Variants in PINX1 observed in about 807,000 individuals in gnomAD.
PINX1 encodes PIN2 (TERF1) interacting telomerase inhibitor 1.
Under a neutral mutation model 25.4 loss-of-function variants are expected in PINX1, and 34 were observed. The ratio of observed to expected loss-of-function variants is 1.34; its 90% CI spans 1.02 to 1.78. The LOEUF is 1.78. Ranked by LOEUF, PINX1 falls within the 40% of genes most tolerant of loss-of-function variation. The probability of loss-of-function intolerance (pLI) is 0.00; values close to 1 mark genes in which losing one functional copy is unlikely to be tolerated. For synonymous variants in PINX1, 197 were observed against 147.7 expected (o/e 1.33, Z -2.42); for missense variants, 592 against 404.9 (o/e 1.46, Z -3.97).
At chr8:10,789,842 G>C (rs1168583681) in intron 6 of PINX1, among the ~76,000 whole-genome samples, 3 of 152,086 alleles carry the variant, frequency 2.0e-5, no homozygotes, top group African/African-American at 4.8e-5. Flanking sequence ...TGGCTGTTTG[G>C]ATCATGGATT....
chr8:10,814,081 C>T (rs112832127), intron 6 of PINX1, among the ~76,000 whole-genome samples: 18 of 152,260 alleles, frequency 1.2e-4, no homozygotes, highest in African/African-American at 4.1e-4. Context: ...TCTCAAGGGG[C>T]CCTGGGAATC....
intron 6 of PINX1, among the ~76,000 whole-genome samples, chr8:10,790,062 T>G (rs1046206669): frequency 5.3e-5 from 8 of 152,202 alleles, no homozygotes; most frequent in African/African-American, 1.4e-4. Context: ...GACCCTCATC[T>G]CGACAAGACA....
rs374843841 is a variant in PINX1 at position 10,794,583 on chromosome 8, C to T, written c.471+25610G>A. Among the ~76,000 whole-genome samples the T allele has an allele frequency of 2.2e-4, 33 of 152,158 alleles. No homozygotes were observed. In the East Asian group the frequency reaches 3.3e-3, roughly 15 times the overall value. ...CTGGGATTACAGGCGCCTGCCACCA[C>T]GTCTGGCTAATTTTTGTATTTTTAG... On this transcript the variant is annotated intron_variant, in intron 6 of 6. Coordinates refer to ENST00000314787, the MANE Select transcript of PINX1 (RefSeq NM_017884.6).
At chr8:10,770,097 T>C (rs998107798) in intron 6 of PINX1, among the ~76,000 whole-genome samples, 13 of 152,354 alleles carry the variant, frequency 8.5e-5, no homozygotes, top group African/African-American at 2.6e-4. Context: ...TTGAAAAAGT[T>C]TGACTGTTTT....
chr8:10,796,447 C>T (rs1802086843), intron 6 of PINX1, among the ~76,000 whole-genome samples: 1 of 152,148 alleles, frequency 6.6e-6, no homozygotes, highest in South Asian at 2.1e-4. Flanking sequence ...GCCATCAGCT[C>T]CCCCTTCCAG....
At chr8:10,837,999 C>G (rs1324749047) in intron 1 of PINX1, among the ~76,000 whole-genome samples, 2 of 152,208 alleles carry the variant, frequency 1.3e-5, no homozygotes, top group Non-Finnish European at 2.9e-5. Flanking sequence ...ATTACAGCAG[C>G]TAGGCTTCAA....
intron 6 of PINX1, among the ~76,000 whole-genome samples, chr8:10,786,658 G>A (rs964235187): frequency 9.9e-5 from 15 of 152,222 alleles, no homozygotes; most frequent in South Asian, 4.1e-4. Context: ...ATCTGGGGCA[G>A]TTGGGAAGAG....
At chr8:10,766,379 C>A (rs923533307) in intron 6 of PINX1, among the ~76,000 whole-genome samples, 1 of 152,214 alleles carries the variant, frequency 6.6e-6, no homozygotes, top group Non-Finnish European at 1.5e-5. Flanking sequence ...CTGTGTTGAT[C>A]TAGAAACTTA....
At chr8:10,821,538 G>A (rs1035124445) in intron 5 of PINX1, among the ~76,000 whole-genome samples, 1 of 152,124 alleles carries the variant, frequency 6.6e-6, no homozygotes, top group Non-Finnish European at 1.5e-5. Flanking sequence ...TACACAAAAA[G>A]ACCCAAAAGA....
intron 6 of PINX1, among the ~76,000 whole-genome samples, chr8:10,816,877 A>G (rs1424126999): frequency 6.6e-6 from 1 of 152,168 alleles, no homozygotes; most frequent in Non-Finnish European, 1.5e-5. Flanking sequence ...CATTCTAACA[A>G]TTCTCTCTGT....
At chr8:10,803,513 T>C (rs1802336319) in intron 6 of PINX1, among the ~76,000 whole-genome samples, 1 of 152,240 alleles carries the variant, frequency 6.6e-6, no homozygotes, top group Admixed American at 6.5e-5. Context: ...TTCATTCCAC[T>C]GACTTATTGT....
chr8:10,822,388 G>A (rs961985437), intron 5 of PINX1, among the ~76,000 whole-genome samples: 2 of 152,166 alleles, frequency 1.3e-5, no homozygotes, highest in Non-Finnish European at 2.9e-5. Flanking sequence ...TAGAGAAAAC[G>A]ACAATGAAGA....
intron 6 of PINX1, among the ~76,000 whole-genome samples, chr8:10,766,613 G>C (rs1801057271): frequency 6.6e-6 from 1 of 152,216 alleles, no homozygotes; most frequent in African/African-American, 2.4e-5. Flanking sequence ...GTGGGGAGTA[G>C]AGAAATGCCC....
At chr8:10,780,553 C>T in intron 6 of PINX1, among the ~76,000 whole-genome samples, 1 of 151,808 alleles carries the variant, frequency 6.6e-6, no homozygotes, top group East Asian at 1.9e-4. Context: ...AAGGATAAAT[C>T]CCAAACAAAT....
intron 5 of PINX1, chr8:10,825,266 C>T (rs1586200631): frequency 5.8e-6 from 3 of 514,640 alleles, no homozygotes; most frequent in South Asian, 2.9e-5. Context: ...TGCCCTGATA[C>T]GCATGACATT....
chr8:10,832,526 G>T lies in PINX1; in HGVS notation c.222+366C>A, dbSNP rs1401609953. 2.0e-5 allele frequency among the ~76,000 whole-genome samples: 3 copies of T among 152,110 alleles called. No homozygotes were observed. The East Asian group carries it at 5.8e-4, about 29-fold the overall frequency. The stretch of plus-strand genomic sequence containing the variant: ...CTTTATATAAACTCTTTCTTTAGTG[G>T]CTAAAAATTTTAGCTCCGCCAATCC... On this transcript the variant is annotated intron_variant, in intron 3 of 6. Transcript: ENST00000314787.
intron 6 of PINX1, among the ~76,000 whole-genome samples, chr8:10,813,105 C>T (rs1488759706): frequency 6.6e-6 from 1 of 152,184 alleles, no homozygotes; most frequent in Admixed American, 6.5e-5. Context: ...CTGAAGTCAT[C>T]ACTGTTGGGA....
At chr8:10,796,033 T>C (rs961916032) in intron 6 of PINX1, among the ~76,000 whole-genome samples, 17 of 152,318 alleles carry the variant, frequency 1.1e-4, no homozygotes, top group Non-Finnish European at 2.5e-4. Context: ...AAAAGCGAAC[T>C]GGCTGATGAC....
Position 10,832,908 on chromosome 8 carries a change from G to C in PINX1, c.206C>G (p.Ala69Gly), listed in dbSNP as rs1798266951. The change falls in exon 3 of 7, where the codon GCT becomes GGT. Residue 69 changes from alanine to glycine, a missense_variant. By Grantham distance (60) the Ala-to-Gly change is moderately conservative. Transcript: ENST00000314787. ...GCTGCTCACTTCATTATTGATGGTA[G>C]CTCCGAGTCCCAGGTGGTTATTTTT... ...QVKNNHLGLG[A>G]TINNEDNWIA... The C allele has an allele frequency of 1.2e-6, 2 of 1,607,984 alleles. No homozygotes were observed. Among genetic ancestry groups the C allele is most frequent in the African/African-American group, 2.7e-5 (2 of 74,944 alleles).
Sources: gnomAD v4.1 joint callset for allele counts (sites outside exome capture counted in the v4.1 genomes callset) on GRCh38, gnomAD v4.1.1 for gene constraint, MANE v1.5 for transcripts, NCBI Gene and HGNC (gene_info 2026-07-23, HGNC 2026-07-21) for gene names.